Variants in RPH3AL observed in about 807,000 individuals in gnomAD.
The protein encoded by RPH3AL is rab effector Noc2.
Under a neutral mutation model 43.1 loss-of-function variants are expected in RPH3AL, and 38 were observed. That is an observed-to-expected ratio of 0.88 (90% CI 0.68 to 1.15). The LOEUF (loss-of-function observed/expected upper bound fraction) is 1.15. Ranked by LOEUF, RPH3AL falls within the 50% of genes most tolerant of loss-of-function variation. RPH3AL has a pLI of 0.00. For missense variants in RPH3AL, 462 were observed against 423.2 expected, an observed-to-expected ratio of 1.09 and a Z score of -0.81; for synonymous variants, 189 against 176.3, an observed-to-expected ratio of 1.07 and a Z score of -0.57.
At chr17:269,386 T>C (rs1413031957) in intron 6 of RPH3AL, among the ~76,000 whole-genome samples, 4 of 152,208 alleles carry the variant, frequency 2.6e-5, no homozygotes, top group Non-Finnish European at 4.4e-5. Flanking sequence ...TTCCCCACCC[T>C]CAGCCCTGGC....
At chr17:269,611 C>T (rs566708418) in intron 6 of RPH3AL, among the ~76,000 whole-genome samples, 1 of 152,322 alleles carries the variant, frequency 6.6e-6, no homozygotes, top group South Asian at 2.1e-4. Flanking sequence ...GGCAAGTGAC[C>T]TCTTCTCTCT....
rs1033672144 is a variant in RPH3AL at position 331,706 on chromosome 17, C to A, written c.-37+2053G>T. On this transcript the variant is annotated intron_variant, in intron 2 of 9. Coordinates refer to ENST00000331302, the MANE Select transcript of RPH3AL (RefSeq NM_006987.4). Reference sequence around the variant, plus strand: ...CATCAGCCGACCCCCATGCCCGGCACCCCCTTCACCAGTGGGTAAACTATG... The same window carrying A: ...CATCAGCCGACCCCCATGCCCGGCAACCCCTTCACCAGTGGGTAAACTATG... 23 of 1,287,408 alleles carry A rather than the reference C, an allele frequency of 1.8e-5. No individual in the cohort carries two copies. The Admixed American group carries it at 3.7e-4, about 21-fold the overall frequency. The allele number at this position is 1,287,408 out of a possible 1,614,324, so 79.7% of individuals were successfully genotyped here. A position where few individuals can be genotyped will look rare whatever the true frequency, so the allele number is the denominator to read the frequency against.
At chr17:270,107 T>G (rs990933400) in intron 6 of RPH3AL, among the ~76,000 whole-genome samples, 1 of 151,542 alleles carries the variant, frequency 6.6e-6, no homozygotes, top group Non-Finnish European at 1.5e-5. Context: ...ACCATCCGGG[T>G]CCCCCAGGGA....
intron 7 of RPH3AL, among the ~76,000 whole-genome samples, chr17:231,045 C>T (rs1343291490): frequency 1.3e-5 from 2 of 152,172 alleles, no homozygotes; most frequent in East Asian, 1.9e-4. Context: ...CATTTCCCTC[C>T]GTATCTGTGT....
At position 321,291 on chromosome 17, in the gene RPH3AL, G is replaced by C; in HGVS notation, c.202C>G (p.Leu68Val). The C allele has an allele frequency of 6.2e-7, 1 of 1,609,124 alleles. No individual in the cohort carries two copies. The highest frequency in any genetic ancestry group is 1.1e-5 in the South Asian group (1 of 91,052). The change falls in exon 4 of 10, where the codon CTG becomes GTG. Residue 68 changes from leucine (L) to valine (V), a missense_variant. By Grantham distance (32) the Leu-to-Val change is conservative (BLOSUM62 1). Coordinates refer to ENST00000331302, the MANE Select transcript of RPH3AL (RefSeq NM_006987.4). ...CCTCACCCGATTCTCTGCTGCTCCA[G>C]GACGTCGAGCCGCTCTGCCCTCTGG... Reference protein sequence around the residue: ...VIQRAERLDVLEQQRIGRLVE... With the variant: ...VIQRAERLDVVEQQRIGRLVE...
Position 294,250 on chromosome 17 carries a change from C to A in RPH3AL, c.352-12396G>T, listed in dbSNP as rs139256147. The stretch of plus-strand genomic sequence containing the variant: ...CCAGCATGGGATGGACCACTTGAGC[C>A]CAGGTGATCAAGACCAGCCTGGGCA... On this transcript the variant is annotated intron_variant, in intron 5 of 9. Transcript: ENST00000331302. Among the ~76,000 whole-genome samples, 597 of 151,876 alleles carry A rather than the reference C, an allele frequency of 3.9e-3. 1 individual carries two copies. Among genetic ancestry groups the A allele is most frequent in the African/African-American group, 0.014 (575 of 41,394 alleles).
At chr17:334,250 A>G (rs1230331188) in intron 1 of RPH3AL, among the ~76,000 whole-genome samples, 1 of 152,234 alleles carries the variant, frequency 6.6e-6, no homozygotes, top group Non-Finnish European at 1.5e-5. Flanking sequence ...TGACCTTCCA[A>G]AACTCTCAGC....
chr17:238,450 C>T (rs986806289), intron 7 of RPH3AL, among the ~76,000 whole-genome samples: 3 of 152,188 alleles, frequency 2.0e-5, no homozygotes, highest in Admixed American at 2.0e-4. Context: ...GTTAACTGTC[C>T]TCGGCGTTGG....
Position 323,677 on chromosome 17 carries a change from GCAT to G in RPH3AL, c.78-2265_78-2263del, listed in dbSNP as rs2044540662. On this transcript the variant is annotated intron_variant, in intron 3 of 9. Transcript: ENST00000331302. The surrounding 1 kb of genome is among the most constrained non-coding windows in gnomAD (Gnocchi z 4.4). ...GGAACACACAGAAGGAGGGACAGAA[GCAT>G]CAGCACCGCCACCACTGCCTGTCCT... is the stretch of plus-strand genomic sequence containing the variant. 6.6e-6 allele frequency among the ~76,000 whole-genome samples: 1 copy of G among 152,172 alleles called. No homozygotes were observed. Among genetic ancestry groups the G allele is most frequent in the South Asian group, 2.1e-4 (1 of 4,836 alleles).
intron 5 of RPH3AL, among the ~76,000 whole-genome samples, chr17:299,673 G>A (rs1038098943): frequency 1.3e-5 from 2 of 152,248 alleles, no homozygotes; most frequent in African/African-American, 4.8e-5. Context: ...GCCTCCCGAA[G>A]TGTGCCAGCT....
intron 5 of RPH3AL, among the ~76,000 whole-genome samples, chr17:316,983 A>T (rs2044260418): frequency 7.2e-6 from 1 of 138,226 alleles, no homozygotes; most frequent in Non-Finnish European, 1.5e-5. Context: ...ATTGACCTGT[A>T]GTCCCTGTGA....
intron 8 of RPH3AL, among the ~76,000 whole-genome samples, chr17:216,348 A>G (rs957275556): frequency 1.3e-5 from 2 of 152,120 alleles, no homozygotes; most frequent in Admixed American, 1.3e-4. Flanking sequence ...GATCACCAAC[A>G]TGAAAGTCCA....
rs1230256128 is a variant in RPH3AL at position 264,122 on chromosome 17, A to G, written c.439-16837T>C. ...CCAAGAGCCTTGGACCCACACCGATACTGAACAAGCTCAGCAAACGTGAGG... is the reference window on the plus strand; with the variant it reads ...CCAAGAGCCTTGGACCCACACCGATGCTGAACAAGCTCAGCAAACGTGAGG... On this transcript the variant is annotated intron_variant, in intron 6 of 9. Coordinates refer to ENST00000331302, the MANE Select transcript of RPH3AL (RefSeq NM_006987.4). This position sits in a 1 kb window ranked among gnomAD's most constrained non-coding sequence, Gnocchi z 4.8. 6.6e-6 allele frequency among the ~76,000 whole-genome samples: 1 copy of G among 152,220 alleles called. No individual in the cohort carries two copies. The highest frequency in any genetic ancestry group is 1.5e-5 in the Non-Finnish European group (1 of 68,040).
intron 7 of RPH3AL, among the ~76,000 whole-genome samples, chr17:232,580 C>A (rs2041253683): frequency 6.6e-6 from 1 of 152,184 alleles, no homozygotes; most frequent in Non-Finnish European, 1.5e-5. Context: ...CAGCGTCACC[C>A]CCCTCCCCTC....
At chr17:315,744 G>GC (rs2044068979) in intron 5 of RPH3AL, among the ~76,000 whole-genome samples, 4 of 146,768 alleles carry the variant, frequency 2.7e-5, no homozygotes, top group African/African-American at 1.0e-4. Flanking sequence ...TAGTCTCTGT[G>GC]CTCCACATCC....
intron 7 of RPH3AL, among the ~76,000 whole-genome samples, chr17:221,341 T>G (rs1243650645): frequency 7.3e-6 from 1 of 137,832 alleles, no homozygotes; most frequent in South Asian, 2.5e-4. Flanking sequence ...GGTGAGACAA[T>G]AGACCCAAGC....
intron 6 of RPH3AL, among the ~76,000 whole-genome samples, chr17:273,040 C>CGTCAGGGTGAGACCCCGGCGAGGGT (rs2042539251): frequency 1.6e-4 from 9 of 56,872 alleles, no homozygotes; most frequent in Non-Finnish European, 2.2e-4. Context: ...CCAGCGAGGG[C>CGTCAGGGTGAGACCCCGGCGAGGGT]GACGTCAGGG....
intron 7 of RPH3AL, 73 bp from the exon 8 acceptor site, chr17:219,809 G>C: frequency 1.8e-6 from 2 of 1,124,004 alleles, no homozygotes; most frequent in Non-Finnish European, 1.4e-6. Flanking sequence ...GGAGGGACGA[G>C]GGCAGGCCTC....
At chr17:304,982 A>T (rs2043437202) in intron 5 of RPH3AL, among the ~76,000 whole-genome samples, 3 of 20,728 alleles carry the variant, frequency 1.4e-4, no homozygotes, top group African/African-American at 6.2e-4. Context: ...ACAGGGCGGG[A>T]GGGGGACAGG....
Sources: allele counts gnomAD v4.1 joint callset (sites outside exome capture counted in the v4.1 genomes callset), GRCh38; gene constraint gnomAD v4.1.1; non-coding constraint Gnocchi (gnomAD v3.1); transcripts MANE v1.5; gene names NCBI Gene and HGNC (gene_info 2026-07-23, HGNC 2026-07-21).